Variants in SLC2A9 observed in about 807,000 individuals in gnomAD.
SLC2A9 encodes solute carrier family 2, facilitated glucose transporter member 9.
SLC2A9 carries 39 observed loss-of-function variants against 50.6 expected under a neutral mutation model. The ratio of observed to expected loss-of-function variants is 0.77; its 90% CI spans 0.60 to 1.01. The LOEUF (loss-of-function observed/expected upper bound fraction) is 1.01, where lower values mean the gene tolerates loss of function less well. Ranked by LOEUF, SLC2A9 falls within the 50% of genes least tolerant of loss-of-function variation. The probability of loss-of-function intolerance (pLI) is 0.00; values close to 1 mark genes in which losing one functional copy is unlikely to be tolerated. For synonymous variants in SLC2A9, 324 were observed against 276.9 expected, an observed-to-expected ratio of 1.17 and a Z score of -1.69; for missense variants, 686 against 677.6, an observed-to-expected ratio of 1.01 and a Z score of -0.14.
intron 1 of SLC2A9, among the ~76,000 whole-genome samples, chr4:9,772,365 C>G (rs1433883320): frequency 6.6e-6 from 1 of 152,250 alleles, no homozygotes; most frequent in Non-Finnish European, 1.5e-5. Flanking sequence ...TCCTTCCTGG[C>G]CTTTCCACAT....
chr4:10,023,442 C>T (rs1046895104), upstream of SLC2A9, among the ~76,000 whole-genome samples: 2 of 152,330 alleles, frequency 1.3e-5, no homozygotes, highest in Admixed American at 6.5e-5. Flanking sequence ...GTTTCCTCAT[C>T]TGTAACAGTG....
chr4:9,867,694 C>T (rs1732710910), intron 10 of SLC2A9, among the ~76,000 whole-genome samples: 1 of 152,206 alleles, frequency 6.6e-6, no homozygotes, highest in South Asian at 2.1e-4. Flanking sequence ...CTCACACTAC[C>T]CCCTGAGAGC....
Position 10,019,068 on chromosome 4 carries a change from C to G in SLC2A9, c.156G>C (p.Trp52Cys). ...GGGAGGCCACGAGGAGCGAGCAGGA[C>G]CAGTCCTGAGGGGAGAGGAAACCAC... ...GVPGGRRRKD[W>C]SCSLLVASLA... The change falls in exon 2 of 12, where the codon TGG becomes TGC. Residue 52 changes from tryptophan to cysteine, a missense_variant. Trp to Cys is a radical substitution (Grantham distance 215, BLOSUM62 -2). Transcript: ENST00000264784. The G allele has an allele frequency of 6.4e-7, 1 of 1,551,202 alleles. No homozygotes were observed. Among genetic ancestry groups the G allele is most frequent in the South Asian group, 1.2e-5 (1 of 84,052 alleles).
intron 6 of SLC2A9, among the ~76,000 whole-genome samples, chr4:9,939,045 G>A (rs1263036342): frequency 6.6e-6 from 1 of 152,188 alleles, no homozygotes; most frequent in Non-Finnish European, 1.5e-5. Context: ...CTTCCACTCT[G>A]ACTTTGGGTT....
At chr4:9,857,626 C>T (rs1730941360) in intron 10 of SLC2A9, among the ~76,000 whole-genome samples, 1 of 152,252 alleles carries the variant, frequency 6.6e-6, no homozygotes, top group African/African-American at 2.4e-5. Context: ...TGCCCTAATG[C>T]TTCCTGTGAG....
intron 5 of SLC2A9, among the ~76,000 whole-genome samples, chr4:9,958,539 T>C (rs939497555): frequency 6.6e-6 from 1 of 152,212 alleles, no homozygotes; most frequent in Non-Finnish European, 1.5e-5. Flanking sequence ...ATACCTAATG[T>C]AGATCACGGG....
At chr4:10,018,589 T>TAGATAGACAGACAAAC (rs1553915108) in intron 2 of SLC2A9, among the ~76,000 whole-genome samples, 1 of 151,032 alleles carries the variant, frequency 6.6e-6, no homozygotes, top group Admixed American at 6.6e-5. Flanking sequence ...GATAGATAGA[T>TAGATAGACAGACAAAC]AACAACAACA....
intron 10 of SLC2A9, among the ~76,000 whole-genome samples, chr4:9,885,854 C>T (rs547396041): frequency 6.6e-6 from 1 of 152,318 alleles, no homozygotes; most frequent in East Asian, 1.9e-4. Context: ...TGGCTGTGTC[C>T]ACACTACCAT....
intron 10 of SLC2A9, among the ~76,000 whole-genome samples, chr4:9,881,002 C>T (rs554245728): frequency 1.1e-3 from 163 of 152,312 alleles, no homozygotes; most frequent in African/African-American, 3.7e-3. Flanking sequence ...ACAGCCAAGA[C>T]GCTCTGAGAT....
At chr4:9,788,566 G>A (rs1359262724) in intron 3 of SLC2A9, among the ~76,000 whole-genome samples, 1 of 152,022 alleles carries the variant, frequency 6.6e-6, no homozygotes. Context: ...GACATTCCAG[G>A]TATGGGACCT....
chr4:10,006,281 G>A (rs750769288), intron 2 of SLC2A9, among the ~76,000 whole-genome samples: 4 of 152,176 alleles, frequency 2.6e-5, no homozygotes, highest in South Asian at 2.1e-4. Flanking sequence ...CTCGTAGCCC[G>A]TTTAACAATA....
At chr4:9,989,296 C>T (rs1267318602) in intron 3 of SLC2A9, among the ~76,000 whole-genome samples, 2 of 152,206 alleles carry the variant, frequency 1.3e-5, no homozygotes, top group Non-Finnish European at 2.9e-5. Context: ...TGTCCTTTCT[C>T]ACCTGAAATT....
chr4:9,778,239 C>T (rs1379404247), downstream of SLC2A9, among the ~76,000 whole-genome samples: 1 of 152,066 alleles, frequency 6.6e-6, no homozygotes, highest in African/African-American at 2.4e-5. Flanking sequence ...CCACCTCTCT[C>T]TCTTTCTGTA....
intron 5 of SLC2A9, among the ~76,000 whole-genome samples, chr4:9,969,644 C>T (rs998231396): frequency 6.6e-6 from 1 of 152,212 alleles, no homozygotes; most frequent in Admixed American, 6.5e-5. Context: ...AATAGACTCA[C>T]AGTTCCCCAT....
chr4:10,024,729 G>C (rs1763696394), upstream of SLC2A9, among the ~76,000 whole-genome samples: 1 of 152,114 alleles, frequency 6.6e-6, no homozygotes, highest in South Asian at 2.1e-4. Flanking sequence ...CATCACTTCT[G>C]GAACTGACCT....
chr4:9,855,086 C>T (rs1051743976), intron 10 of SLC2A9, among the ~76,000 whole-genome samples: 10 of 152,246 alleles, frequency 6.6e-5, no homozygotes, highest in African/African-American at 2.2e-4. Flanking sequence ...TCCTATTCAA[C>T]ATAGTACTGG....
At chr4:9,857,157 G>C (rs1471735718) in intron 10 of SLC2A9, among the ~76,000 whole-genome samples, 1 of 152,160 alleles carries the variant, frequency 6.6e-6, no homozygotes, top group African/African-American at 2.4e-5. Context: ...GAGTTATAAG[G>C]CTGCCTGAAA....
intron 10 of SLC2A9, among the ~76,000 whole-genome samples, chr4:9,878,114 A>T (rs1315314014): frequency 6.6e-6 from 1 of 152,026 alleles, no homozygotes. Context: ...CTCCCAGCCC[A>T]GGGCTGGCAC....
At chr4:9,883,306 C>T (rs962951121) in intron 10 of SLC2A9, among the ~76,000 whole-genome samples, 1 of 152,184 alleles carries the variant, frequency 6.6e-6, no homozygotes, top group Non-Finnish European at 1.5e-5. Flanking sequence ...TGTGAATGTG[C>T]TATGGAAAGT....
Sources: allele counts gnomAD v4.1 joint callset (sites outside exome capture counted in the v4.1 genomes callset), GRCh38; gene constraint gnomAD v4.1.1; transcripts MANE v1.5; gene names NCBI Gene and HGNC (gene_info 2026-07-23, HGNC 2026-07-21).